Variants in DPH6 observed in about 807,000 individuals in gnomAD.
DPH6 encodes the protein diphthine--ammonia ligase.
DPH6 carries 33 observed loss-of-function variants against 38.2 expected under a neutral mutation model. The ratio of observed to expected loss-of-function variants is 0.86; its 90% confidence interval spans 0.65 to 1.15. The LOEUF is 1.15. Ranked by LOEUF, DPH6 falls within the 50% of genes most tolerant of loss-of-function variation. The pLI is 0.00. For missense variants in DPH6, 325 were observed against 320.0 expected (o/e 1.02, Z -0.12); for synonymous variants, 108 against 103.0 (o/e 1.05, Z -0.30).
chr15:35,180,788 T>C, the DPH6 span, among the ~76,000 whole-genome samples: 323 of 152,260 alleles, frequency 2.1e-3, 3 homozygotes, highest in Admixed American at 0.012. Flanking sequence ...ATGCCTGCCC[T>C]ACTTTACTTT....
chr15:35,443,859 T>C (rs2047037348), intron 5 of DPH6, among the ~76,000 whole-genome samples: 1 of 152,182 alleles, frequency 6.6e-6, no homozygotes. Flanking sequence ...ATTTATTTTA[T>C]AGTGTAATAC....
In DPH6 at chr15:35,393,445, A is replaced by G. The variant is rs190977109; in HGVS notation, c.568-11529T>C. On this transcript the variant is annotated intron_variant, in intron 6 of 8. Coordinates refer to ENST00000256538, the MANE Select transcript of DPH6 (RefSeq NM_080650.4). Reference sequence around the variant, plus strand: ...GAGAAGACTTCATAATGGAATGAAGATCCAAAGAAACAGGAAATGGTTTTT... The same window carrying G: ...GAGAAGACTTCATAATGGAATGAAGGTCCAAAGAAACAGGAAATGGTTTTT... Among the ~76,000 whole-genome samples, 6 of 152,344 alleles carry G rather than the reference A, an allele frequency of 3.9e-5. 1 individual carries two copies. In the East Asian group the frequency reaches 1.2e-3, roughly 29 times the overall value.
chr15:35,163,784 C>A, the DPH6 span, among the ~76,000 whole-genome samples: 1 of 151,852 alleles, frequency 6.6e-6, no homozygotes, highest in Non-Finnish European at 1.5e-5. Context: ...GCAACAAATT[C>A]TTTCCATGGT....
At position 35,542,967 on chromosome 15, in the gene DPH6, A is replaced by ATATATATATATATATATATATAT. The variant is rs1566946762; in HGVS notation, c.24-461_24-460insATATATATATATATATATATATA. Among the ~76,000 whole-genome samples the ATATATATATATATATATATATAT allele has an allele frequency of 5.1e-4, 8 of 15,572 alleles. 1 individual carries two copies. The highest frequency in any genetic ancestry group is 4.4e-3 in the East Asian group (1 of 226). The allele number at this position is 15,572 out of a possible 152,430, so 10.2% of individuals were successfully genotyped here. The stretch of plus-strand genomic sequence containing the variant: ...AGGAATATATATATATATATATATA[A>ATATATATATATATATATATATAT]AATAATTTCATAGAAATTATTGGGA... On this transcript the variant is annotated intron_variant, in intron 1 of 8. Coordinates refer to ENST00000256538, the MANE Select transcript of DPH6 (RefSeq NM_080650.4).
the DPH6 span, among the ~76,000 whole-genome samples, chr15:35,154,055 TAATC>T: frequency 2.0e-5 from 3 of 152,168 alleles, no homozygotes; most frequent in Non-Finnish European, 4.4e-5. Context: ...CTGACTTACA[TAATC>T]AATAAATATT....
intron 5 of DPH6, among the ~76,000 whole-genome samples, chr15:35,414,378 A>G (rs2053410062): frequency 6.6e-6 from 1 of 151,802 alleles, no homozygotes; most frequent in African/African-American, 2.4e-5. Context: ...TTTATTTTCT[A>G]TATGCTAGAT....
At chr15:35,306,193 A>G (rs531148408) in intron 3 of DPH6, among the ~76,000 whole-genome samples, 3 of 152,282 alleles carry the variant, frequency 2.0e-5, no homozygotes, top group African/African-American at 7.2e-5. Flanking sequence ...TACTAACTTC[A>G]TGCATGTTTT....
At chr15:35,506,554 G>T (rs1433662652) in intron 3 of DPH6, among the ~76,000 whole-genome samples, 1 of 152,138 alleles carries the variant, frequency 6.6e-6, no homozygotes, top group African/African-American at 2.4e-5. Flanking sequence ...CCCACGCTAG[G>T]TCACGACCTG....
chr15:35,255,200 C>T (rs1392113899), intron 3 of DPH6, among the ~76,000 whole-genome samples: 3 of 151,940 alleles, frequency 2.0e-5, no homozygotes, highest in Non-Finnish European at 2.9e-5. Flanking sequence ...AGGTGACAGC[C>T]GAAGAACCAT....
chr15:35,310,620 T>G (rs1478712046), intron 3 of DPH6, among the ~76,000 whole-genome samples: 1 of 152,142 alleles, frequency 6.6e-6, no homozygotes, highest in Non-Finnish European at 1.5e-5. Context: ...AAACAATATG[T>G]CACATATATA....
At chr15:35,341,194 T>G (rs1261816961) in intron 3 of DPH6, among the ~76,000 whole-genome samples, 2 of 152,160 alleles carry the variant, frequency 1.3e-5, no homozygotes, top group African/African-American at 4.8e-5. Flanking sequence ...TTGCATTGTG[T>G]AGTTCTCATG....
intron 3 of DPH6, among the ~76,000 whole-genome samples, chr15:35,337,109 T>C (rs1012093638): frequency 5.4e-4 from 82 of 152,318 alleles, no homozygotes; most frequent in African/African-American, 1.9e-3. Context: ...TATTGATTAA[T>C]GCCACAATTT....
intron 6 of DPH6, among the ~76,000 whole-genome samples, chr15:35,382,336 C>T (rs1178652764): frequency 2.0e-5 from 3 of 151,936 alleles, no homozygotes; most frequent in South Asian, 2.1e-4. Flanking sequence ...CTCGGGAGGC[C>T]GAGGCGGGAG....
chr15:35,290,536 A>C (rs1372921416), intron 3 of DPH6, among the ~76,000 whole-genome samples: 1 of 152,224 alleles, frequency 6.6e-6, no homozygotes, highest in Admixed American at 6.5e-5. Flanking sequence ...TGACAGATCG[A>C]GTCCTTCCAA....
At chr15:35,236,502 G>T (rs920963880) in intron 3 of DPH6, among the ~76,000 whole-genome samples, 1 of 152,092 alleles carries the variant, frequency 6.6e-6, no homozygotes, top group African/African-American at 2.4e-5. Flanking sequence ...AGCCGGGCGT[G>T]TTGGCGGGCG....
chr15:35,480,787 A>T (rs1194546109), intron 3 of DPH6, among the ~76,000 whole-genome samples: 1 of 152,090 alleles, frequency 6.6e-6, no homozygotes, highest in Non-Finnish European at 1.5e-5. Flanking sequence ...TTTCTCATAT[A>T]AACTTATTTT....
At chr15:35,422,731 C>T (rs919865520) in intron 5 of DPH6, among the ~76,000 whole-genome samples, 1 of 151,912 alleles carries the variant, frequency 6.6e-6, no homozygotes, top group African/African-American at 2.4e-5. Context: ...ATCCTCCTCT[C>T]CATCCTCTGG....
chr15:35,473,802 C>A (rs2054226185), intron 3 of DPH6, among the ~76,000 whole-genome samples: 1 of 151,948 alleles, frequency 6.6e-6, no homozygotes, highest in African/African-American at 2.4e-5. Context: ...ATAATATATA[C>A]ATATAATGGA....
At position 35,451,872 on chromosome 15, in the gene DPH6, T is replaced by C. The variant is rs574009580; in HGVS notation, c.387-1069A>G. On this transcript the variant is annotated intron_variant, in intron 4 of 8. Coordinates refer to ENST00000256538, the MANE Select transcript of DPH6 (RefSeq NM_080650.4). ...AAAAATACAAAAAATTAGCCAGGCATGGTGGCGGGCGCCTGTGGTCCCAGC... is the reference window on the plus strand; with the variant it reads ...AAAAATACAAAAAATTAGCCAGGCACGGTGGCGGGCGCCTGTGGTCCCAGC... 4.9e-4 allele frequency among the ~76,000 whole-genome samples: 74 copies of C among 152,254 alleles called. 1 individual carries two copies. The highest frequency in any genetic ancestry group is 1.6e-3 in the African/African-American group (67 of 41,554).
Sources: allele counts gnomAD v4.1 joint callset (sites outside exome capture counted in the v4.1 genomes callset), GRCh38; gene constraint gnomAD v4.1.1; transcripts MANE v1.5; gene names NCBI Gene and HGNC (gene_info 2026-07-23, HGNC 2026-07-21).